Variants in GMPS observed in about 807,000 individuals in gnomAD.
GMPS encodes GMP synthase [glutamine-hydrolyzing].
GMPS carries 15 observed loss-of-function variants against 77.9 expected under a neutral mutation model. The ratio of observed to expected loss-of-function variants is 0.19; its 90% CI spans 0.13 to 0.30. The LOEUF (loss-of-function observed/expected upper bound fraction) is 0.30. Ranked by LOEUF, GMPS falls within the 10% of genes least tolerant of loss-of-function variation. The probability of loss-of-function intolerance (pLI) is 1.00; values close to 1 mark genes in which losing one functional copy is unlikely to be tolerated. For missense variants in GMPS, 590 were observed against 838.8 expected, an observed-to-expected ratio of 0.70 and a Z score of 3.66; for synonymous variants, 224 against 275.9, an observed-to-expected ratio of 0.81 and a Z score of 1.86.
At chr3:155,881,564 C>T (rs1255143211) in intron 1 of GMPS, among the ~76,000 whole-genome samples, 1 of 152,144 alleles carries the variant, frequency 6.6e-6, no homozygotes, top group Non-Finnish European at 1.5e-5. Flanking sequence ...TGTACTGTGG[C>T]ATTTCAGTTA....
chr3:155,918,775 T>C (rs1755247514), intron 9 of GMPS, among the ~76,000 whole-genome samples: 1 of 152,188 alleles, frequency 6.6e-6, no homozygotes, highest in African/African-American at 2.4e-5. Flanking sequence ...ACTTATTTAT[T>C]TTTTTATTAT....
chr3:155,878,765 G>A (rs192740134), intron 1 of GMPS, among the ~76,000 whole-genome samples: 6 of 152,274 alleles, frequency 3.9e-5, no homozygotes, highest in East Asian at 3.9e-4. Context: ...GAAGTCCCAC[G>A]ATAGACTGTC....
intron 1 of GMPS, among the ~76,000 whole-genome samples, chr3:155,883,092 G>A (rs1754248118): frequency 6.6e-6 from 1 of 152,064 alleles, no homozygotes; most frequent in African/African-American, 2.4e-5. Flanking sequence ...TTCTGTTTGA[G>A]ACAGAGTCTC....
At chr3:155,876,653 C>T (rs1754056019) in intron 1 of GMPS, among the ~76,000 whole-genome samples, 1 of 152,164 alleles carries the variant, frequency 6.6e-6, no homozygotes, top group African/African-American at 2.4e-5. Context: ...CAGACTGGAC[C>T]ATATGGTCAC....
chr3:155,915,977 A>G (rs762250824), intron 8 of GMPS, 42 bp from the exon 9 acceptor site: 2 of 1,434,492 alleles, frequency 1.4e-6, no homozygotes, highest in Non-Finnish European at 9.6e-7. Flanking sequence ...CTTTTAAAAA[A>G]AGTTATCTCT....
intron 1 of GMPS, among the ~76,000 whole-genome samples, chr3:155,888,657 CT>C (rs1031475631): frequency 6.6e-6 from 1 of 151,116 alleles, no homozygotes; most frequent in African/African-American, 2.4e-5. Context: ...GTGATCTCAG[CT>C]CGCTGCAACC....
chr3:155,909,946 AAAAAT>A (rs1008813928), intron 5 of GMPS, among the ~76,000 whole-genome samples: 3 of 147,616 alleles, frequency 2.0e-5, no homozygotes, highest in Admixed American at 6.7e-5. Flanking sequence ...ACCCTGTCTA[AAAAAT>A]AAAATAAAAT....
intron 13 of GMPS, among the ~76,000 whole-genome samples, chr3:155,933,156 C>T (rs1211462649): frequency 1.3e-5 from 2 of 152,092 alleles, no homozygotes; most frequent in East Asian, 3.9e-4. Flanking sequence ...TGCACCACTG[C>T]ACTCAAGCCT....
In GMPS at chr3:155,940,718, CAG is replaced by C; in HGVS notation, c.*3028_*3029del. 4.8e-6 allele frequency: 1 copy of C among 207,584 alleles called. No individual in the cohort carries two copies. The highest frequency in any genetic ancestry group is 7.1e-5 in the East Asian group (1 of 14,172). 12.9% of individuals were successfully genotyped at this position (207,584 alleles called of 1,614,324 possible). ...AAACAAGAGAAAGTAAAGCAGGAGA[CAG>C]AATGGAGAAGCTGGATAGTGTTTTT... On this transcript the variant is annotated 3_prime_UTR_variant, in exon 16 of 16. Coordinates refer to ENST00000496455, the MANE Select transcript of GMPS (RefSeq NM_003875.3).
At chr3:155,930,830 T>G (rs567007677) in intron 12 of GMPS, among the ~76,000 whole-genome samples, 3 of 152,298 alleles carry the variant, frequency 2.0e-5, no homozygotes, top group Non-Finnish European at 4.4e-5. Context: ...TAATTTTATT[T>G]TATTTTTTTG....
chr3:155,880,335 T>C (rs1754183151), intron 1 of GMPS, among the ~76,000 whole-genome samples: 1 of 152,234 alleles, frequency 6.6e-6, no homozygotes. Context: ...GGCCTTGTTA[T>C]TGACCATGGC....
In GMPS at chr3:155,937,914, G is replaced by C. The variant is rs1048561737; in HGVS notation, c.*222G>C. On this transcript the variant is annotated 3_prime_UTR_variant, in exon 16 of 16. Coordinates refer to ENST00000496455, the MANE Select transcript of GMPS (RefSeq NM_003875.3). ...ATCAAAGCACCATTGCCTACACTCAGACAGATTGATACTGCTTTTGCCTTT... is the reference window on the plus strand; with the variant it reads ...ATCAAAGCACCATTGCCTACACTCACACAGATTGATACTGCTTTTGCCTTT... 2 of 456,892 alleles carry C rather than the reference G, an allele frequency of 4.4e-6. No homozygotes were observed. Among genetic ancestry groups the C allele is most frequent in the Non-Finnish European group, 7.7e-6 (2 of 258,904 alleles). The allele number at this position is 456,892 out of a possible 1,614,324, so 28.3% of individuals were successfully genotyped here.
intron 1 of GMPS, among the ~76,000 whole-genome samples, chr3:155,876,414 T>C (rs1172418277): frequency 6.6e-6 from 1 of 152,238 alleles, no homozygotes; most frequent in Non-Finnish European, 1.5e-5. Context: ...GCATTCAGAC[T>C]GAACGAGAAG....
intron 9 of GMPS, 47 bp from the exon 10 acceptor site, chr3:155,919,183 TGTC>T (rs760379254): frequency 1.3e-6 from 1 of 757,878 alleles, no homozygotes; most frequent in South Asian, 1.7e-5. Flanking sequence ...TTGTTTTCCA[TGTC>T]ATCTTGGTTA....
intron 1 of GMPS, among the ~76,000 whole-genome samples, chr3:155,881,275 C>T (rs909526101): frequency 1.4e-5 from 2 of 147,608 alleles, no homozygotes; most frequent in Admixed American, 7.0e-5. Flanking sequence ...CGGGTTCAAG[C>T]GATTCTCCTG....
intron 14 of GMPS, among the ~76,000 whole-genome samples, chr3:155,935,934 A>T (rs1258369003): frequency 6.6e-6 from 1 of 152,234 alleles, no homozygotes; most frequent in Non-Finnish European, 1.5e-5. Flanking sequence ...ACATAAAACA[A>T]GGTTATATAT....
rs931666230 is a variant in GMPS at position 155,899,284 on chromosome 3, C to T, written c.324+1243C>T. ...TTGGGAGGCTGAGGCAGGAGAATCA[C>T]TTAAACCTGGGAGGCGGAGGTTGCG... On this transcript the variant is annotated intron_variant, in intron 3 of 15. Coordinates refer to ENST00000496455, the MANE Select transcript of GMPS (RefSeq NM_003875.3). 2.6e-5 allele frequency among the ~76,000 whole-genome samples: 4 copies of T among 152,058 alleles called. No homozygotes were observed. The South Asian group carries it at 8.3e-4, about 32-fold the overall frequency.
intron 10 of GMPS, among the ~76,000 whole-genome samples, chr3:155,920,300 CTTG>C (rs1202137051): frequency 3.3e-5 from 5 of 152,092 alleles, no homozygotes; most frequent in Non-Finnish European, 5.9e-5. Context: ...GTGATTAGCA[CTTG>C]TTCTCAAATC....
chr3:155,877,396 G>C (rs1204357370), intron 1 of GMPS, among the ~76,000 whole-genome samples: 1 of 151,966 alleles, frequency 6.6e-6, no homozygotes, highest in East Asian at 1.9e-4. Context: ...GACATACCAT[G>C]TACTCTGCTT....
Sources: gnomAD v4.1 joint callset for allele counts (sites outside exome capture counted in the v4.1 genomes callset) on GRCh38, gnomAD v4.1.1 for gene constraint, MANE v1.5 for transcripts, NCBI Gene and HGNC (gene_info 2026-07-23, HGNC 2026-07-21) for gene names.